The following RNF126 variants were observed in gnomAD, a reference collection of about 807,000 sequenced individuals.
RNF126 encodes ring finger protein 126.
Under a neutral mutation model 41.9 loss-of-function variants are expected in RNF126, and 20 were observed. The observed-to-expected ratio is 0.48, with a 90% confidence interval of 0.34 to 0.69. RNF126 has a LOEUF of 0.69. Ranked by LOEUF, RNF126 falls within the 30% of genes least tolerant of loss-of-function variation. The probability of loss-of-function intolerance (pLI) is 0.01; values close to 1 mark genes in which losing one functional copy is unlikely to be tolerated. For missense variants in RNF126, 433 were observed against 460.6 expected, an observed-to-expected ratio of 0.94 and a Z score of 0.55; for synonymous variants, 239 against 202.9, an observed-to-expected ratio of 1.18 and a Z score of -1.51.
In RNF126 at chr19:648,014, A is replaced by T; in HGVS notation, c.*114T>A. 8.1e-7 allele frequency: 1 copy of T among 1,239,680 alleles called. No individual in the cohort carries two copies. The highest frequency in any genetic ancestry group is 1.1e-6 in the Non-Finnish European group (1 of 918,948). The allele number at this position is 1,239,680 out of a possible 1,614,324, so 76.8% of individuals were successfully genotyped here. ...CTGCCCTGGAACAGGCGGGACCTGC[A>T]GCGCTGACCAGCCAAGCGTGGCGCC... On this transcript the variant is annotated 3_prime_UTR_variant, in exon 9 of 9. Coordinates refer to ENST00000292363, the MANE Select transcript of RNF126 (RefSeq NM_194460.3).
chr19:651,695 T>C lies in RNF126; in HGVS notation c.359A>G (p.His120Arg), dbSNP rs372448035. 1.9e-6 allele frequency: 3 copies of C among 1,596,704 alleles called. No homozygotes were observed. Among genetic ancestry groups the C allele is most frequent in the African/African-American group, 2.7e-5 (2 of 74,468 alleles). Residue 120 changes from histidine to arginine, a missense_variant, in exon 4 of 9, where the codon CAC becomes CGC. His to Arg is a conservative substitution (Grantham distance 29, BLOSUM62 0). Coordinates refer to ENST00000292363, the MANE Select transcript of RNF126 (RefSeq NM_194460.3). Reference sequence around the variant, plus strand: ...GCGGGGCTGTCGGGCGCCGTACCGGTGCCGGGACGGATGGTCTCTCTCCCG... The same window carrying C: ...GCGGGGCTGTCGGGCGCCGTACCGGCGCCGGGACGGATGGTCTCTCTCCCG... ...SRRERDHPSRHRYGARQPRAR... is the reference protein window; with the variant it reads ...SRRERDHPSRRRYGARQPRAR...
intron 1 of RNF126, among the ~76,000 whole-genome samples, chr19:658,018 G>A (rs993891175): frequency 6.6e-6 from 1 of 152,000 alleles, no homozygotes; most frequent in African/African-American, 2.4e-5. Context: ...GGGGCAGCAC[G>A]CACTGGGGGC....
chr19:653,184 G>A (rs539002106), intron 1 of RNF126, among the ~76,000 whole-genome samples: 169 of 151,900 alleles, frequency 1.1e-3, no homozygotes, highest in Non-Finnish European at 1.4e-3. Context: ...CTGCCCCACC[G>A]TGACGGGCGT....
chr19:658,125 C>T (rs995524607), intron 1 of RNF126, among the ~76,000 whole-genome samples: 28 of 152,170 alleles, frequency 1.8e-4, no homozygotes, highest in Admixed American at 3.3e-4. Context: ...TACGATCACC[C>T]GGCATCATCA....
chr19:648,364 G>GGCCCCCCC lies in RNF126; in HGVS notation c.786+7_786+8insGGGGGGGC. 1 of 510,488 alleles carries GGCCCCCCC rather than the reference G, an allele frequency of 2.0e-6. No individual in the cohort carries two copies. Among genetic ancestry groups the GGCCCCCCC allele is most frequent in the Non-Finnish European group, 3.6e-6 (1 of 278,358 alleles). The allele number at this position is 510,488 out of a possible 1,614,324, so 31.6% of individuals were successfully genotyped here. On this transcript the variant is annotated splice_region_variant and intron_variant, in intron 8 of 8. Transcript: ENST00000292363. ...CGGGGTGGGGGGGCGGGTGGGCGGG[G>GGCCCCCCC]CACTCACCTGCTCCAGCCAGGGCAC...
In RNF126 at chr19:652,455, G is replaced by T. The variant is rs376419272; in HGVS notation, c.135-159C>A. On this transcript the variant is annotated intron_variant, in intron 2 of 8. Transcript: ENST00000292363. Reference sequence around the variant, plus strand: ...GCATTTGGTGCCGTAACCCGCTGCTGCTTCCCTCGCCAGTAAACCACGGGT... The same window carrying T: ...GCATTTGGTGCCGTAACCCGCTGCTTCTTCCCTCGCCAGTAAACCACGGGT... 1.1e-4 allele frequency: 71 copies of T among 667,356 alleles called. 1 individual carries two copies. The highest frequency in any genetic ancestry group is 1.0e-3 in the East Asian group (35 of 34,480). The allele number at this position is 667,356 out of a possible 1,614,324, so 41.3% of individuals were successfully genotyped here.
chr19:653,236 G>T (rs528724441), intron 1 of RNF126, among the ~76,000 whole-genome samples: 2 of 152,082 alleles, frequency 1.3e-5, no homozygotes, highest in Non-Finnish European at 1.5e-5. Flanking sequence ...GGCACCACTC[G>T]GAGGGGTGCC....
Position 652,236 on chromosome 19 carries a change from C to T in RNF126, c.195G>A (p.Leu65=). Residue 65 remains leucine, a synonymous_variant, in exon 3 of 9, where the codon TTG becomes TTA. Transcript: ENST00000292363. ...GCACGAGGGGCGGGCGACTCACCTC[C>T]AACGGTGGCCGGCTCTGGTCTGTGG... ...TAPTDQSRPP[L]EHVDQHLFTL... is the part of the protein sequence containing the mutation. 5 of 1,531,594 alleles carry T rather than the reference C, an allele frequency of 3.3e-6. No individual in the cohort carries two copies. The highest frequency in any genetic ancestry group is 4.3e-6 in the Non-Finnish European group (5 of 1,150,664). 94.9% of individuals were successfully genotyped at this position (1,531,594 alleles called of 1,614,324 possible). A position where few individuals can be genotyped will look rare whatever the true frequency, so the allele number is the denominator to read the frequency against.
At chr19:660,871 C>T (rs371363227) in intron 1 of RNF126, among the ~76,000 whole-genome samples, 11 of 152,348 alleles carry the variant, frequency 7.2e-5, no homozygotes, top group East Asian at 5.8e-4. Flanking sequence ...ATGCTGTCTA[C>T]GGGCGCCTTG....
At chr19:655,325 C>CA (rs759467675) in intron 1 of RNF126, among the ~76,000 whole-genome samples, 2,984 of 116,860 alleles carry the variant, frequency 0.026, 40 homozygotes, top group African/African-American at 0.046. Flanking sequence ...CAGACCCTGC[C>CA]AAAAAAAAAA....
intron 2 of RNF126, chr19:652,525 G>A (rs941897995): frequency 3.3e-6 from 2 of 600,968 alleles, no homozygotes; most frequent in Admixed American, 6.1e-5. Context: ...CTAAGCGTGA[G>A]AATGTGGGTA....
chr19:653,571 G>C (rs954667681), intron 1 of RNF126, among the ~76,000 whole-genome samples: 2 of 152,228 alleles, frequency 1.3e-5, no homozygotes, highest in Non-Finnish European at 2.9e-5. Context: ...GGGCTGAAGG[G>C]CCTGCTGGAG....
chr19:662,456 C>T (rs1389867342), intron 1 of RNF126, among the ~76,000 whole-genome samples: 2 of 152,148 alleles, frequency 1.3e-5, no homozygotes, highest in Admixed American at 6.5e-5. Flanking sequence ...GCCGGCGGGC[C>T]GCGGTCGGAC....
At chr19:658,475 G>C (rs879343673) in intron 1 of RNF126, among the ~76,000 whole-genome samples, 3 of 152,048 alleles carry the variant, frequency 2.0e-5, no homozygotes, top group African/African-American at 4.8e-5. Context: ...TGCAGTGCTC[G>C]GCCTCGGTAG....
chr19:648,359 G>GGGGGGGGGGGGGGGT lies in RNF126; in HGVS notation c.786+12_786+13insACCCCCCCCCCCCCC. 8.8e-7 allele frequency: 1 copy of GGGGGGGGGGGGGGGT among 1,138,762 alleles called. No individual in the cohort carries two copies. Among genetic ancestry groups the GGGGGGGGGGGGGGGT allele is most frequent in the South Asian group, 1.3e-5 (1 of 74,728 alleles). The allele number at this position is 1,138,762 out of a possible 1,614,324, so 70.5% of individuals were successfully genotyped here. ...GCGGTCGGGGTGGGGGGGCGGGTGG[G>GGGGGGGGGGGGGGGT]CGGGGCACTCACCTGCTCCAGCCAG... is the stretch of plus-strand genomic sequence containing the variant. On this transcript the variant is annotated intron_variant, in intron 8 of 8. Transcript: ENST00000292363.
intron 1 of RNF126, among the ~76,000 whole-genome samples, chr19:658,336 G>C (rs964453039): frequency 5.9e-5 from 9 of 151,888 alleles, no homozygotes; most frequent in African/African-American, 1.7e-4. Context: ...GTGGGCTGGC[G>C]ACCTACAGGC....
In RNF126 at chr19:647,848, T is replaced by TA; in HGVS notation, c.*279_*280insT. 1.7e-6 allele frequency: 1 copy of TA among 588,046 alleles called. No individual in the cohort carries two copies. The highest frequency in any genetic ancestry group is 3.1e-6 in the Non-Finnish European group (1 of 323,594). 36.4% of individuals were successfully genotyped at this position (588,046 alleles called of 1,614,324 possible). A position where few individuals can be genotyped will look rare whatever the true frequency, so the allele number is the denominator to read the frequency against. On this transcript the variant is annotated 3_prime_UTR_variant, in exon 9 of 9. Transcript: ENST00000292363. ...CCGTTTATTTCAAAGCAGTAATAAT[T>TA]TAAAATTATAAAAATCTTTCCACCG...
chr19:656,944 C>T (rs910738927), intron 1 of RNF126, among the ~76,000 whole-genome samples: 46 of 152,324 alleles, frequency 3.0e-4, no homozygotes, highest in African/African-American at 1.1e-3. Context: ...CCCAGGGCCG[C>T]TCCATCGCCT....
At chr19:658,660 C>T (rs2030667582) in intron 1 of RNF126, among the ~76,000 whole-genome samples, 2 of 152,196 alleles carry the variant, frequency 1.3e-5, no homozygotes, top group Admixed American at 1.3e-4. Context: ...GTCCCTGGGC[C>T]CCACGCACCA....
Sources: gnomAD v4.1 joint callset for allele counts (sites outside exome capture counted in the v4.1 genomes callset) on GRCh38, gnomAD v4.1.1 for gene constraint, MANE v1.5 for transcripts, NCBI Gene and HGNC (gene_info 2026-07-23, HGNC 2026-07-21) for gene names.